SPATA13: variants seen among roughly 807,000 people sequenced by gnomAD.
SPATA13 encodes the protein spermatogenesis associated 13.
SPATA13 carries 50 observed loss-of-function variants against 104.0 expected under a neutral mutation model. That is an observed-to-expected ratio of 0.48 (90% CI 0.38 to 0.61). The LOEUF (loss-of-function observed/expected upper bound fraction) is 0.61. Ranked by LOEUF, SPATA13 falls within the 20% of genes least tolerant of loss-of-function variation. The pLI is 0.00. For missense variants in SPATA13, 1,524 were observed against 1,690.6 expected, an observed-to-expected ratio of 0.90 and a Z score of 1.73; for synonymous variants, 606 against 667.5, an observed-to-expected ratio of 0.91 and a Z score of 1.42.
intron 2 of SPATA13, among the ~76,000 whole-genome samples, chr13:24,003,785 T>C (rs1245462827): frequency 2.0e-5 from 3 of 152,214 alleles, no homozygotes; most frequent in Non-Finnish European, 4.4e-5. Flanking sequence ...TAGTAATGAT[T>C]TTAAAATACT....
intron 1 of SPATA13, among the ~76,000 whole-genome samples, chr13:24,168,726 C>G (rs1882842711): frequency 6.6e-6 from 1 of 152,108 alleles, no homozygotes; most frequent in Non-Finnish European, 1.5e-5. Flanking sequence ...AAATAACATC[C>G]CTCCAGCCCT....
intron 1 of SPATA13, among the ~76,000 whole-genome samples, chr13:24,198,876 G>A (rs1346594760): frequency 6.6e-6 from 1 of 151,866 alleles, no homozygotes; most frequent in Admixed American, 6.6e-5. Flanking sequence ...CAGGGGTGAT[G>A]CAGGACCTTT....
At chr13:24,125,545 A>C (rs950033235) in intron 3 of SPATA13, among the ~76,000 whole-genome samples, 1 of 152,094 alleles carries the variant, frequency 6.6e-6, no homozygotes, top group Non-Finnish European at 1.5e-5. Flanking sequence ...CAGTTTCTAA[A>C]ATTCACCAAC....
intron 3 of SPATA13, among the ~76,000 whole-genome samples, chr13:24,087,193 A>G (rs1459253773): frequency 6.6e-6 from 1 of 152,158 alleles, no homozygotes; most frequent in Non-Finnish European, 1.5e-5. Context: ...AGAGCCTGCC[A>G]GCCCAGGGTC....
At chr13:24,253,541 G>A (rs1282201382) in intron 4 of SPATA13, among the ~76,000 whole-genome samples, 1 of 152,166 alleles carries the variant, frequency 6.6e-6, no homozygotes, top group Non-Finnish European at 1.5e-5. Context: ...AGAGAATTTG[G>A]GATGCTGTGG....
In SPATA13 at chr13:24,284,150, G is replaced by T. The variant is rs778961788; in HGVS notation, c.2180G>T (p.Gly727Val). The change falls in exon 5 of 13, where the codon GGT becomes GTT. Residue 727 changes from glycine (G) to valine (V), a missense_variant. Physicochemically the swap from Gly to Val is moderately radical, Grantham distance 109. Around this residue, in one of 2 missense-constraint regions of SPATA13, gnomAD observed 1,089 missense variants for 1,135.9 expected, o/e 0.96. Coordinates refer to ENST00000382108, the MANE Select transcript of SPATA13 (RefSeq NM_001166271.3). The part of the protein sequence containing the change: ...MRASNVSSDG[G>V]TEPSALVDDN... ...TATGTTTTAGTTTCTTCAGATGGAG[G>T]TACTGAGCCCTCTGCCTTAGTGGAT... 30 of 1,612,804 alleles carry T rather than the reference G, an allele frequency of 1.9e-5. No individual in the cohort carries two copies. Among genetic ancestry groups the T allele is most frequent in the Non-Finnish European group, 2.5e-5 (29 of 1,179,254 alleles).
chr13:24,116,816 G>C (rs756121961), intron 3 of SPATA13, among the ~76,000 whole-genome samples: 12 of 151,560 alleles, frequency 7.9e-5, no homozygotes, highest in African/African-American at 1.2e-4. Flanking sequence ...GCCTTTGGGA[G>C]GTAATTAGGT....
At chr13:24,042,925 G>A (rs1432009178) in intron 3 of SPATA13, among the ~76,000 whole-genome samples, 1 of 152,226 alleles carries the variant, frequency 6.6e-6, no homozygotes, top group Non-Finnish European at 1.5e-5. Flanking sequence ...ACAGTTGATA[G>A]AATGATGCAA....
chr13:24,116,798 G>A (rs566417263), intron 3 of SPATA13, among the ~76,000 whole-genome samples: 1 of 151,240 alleles, frequency 6.6e-6, no homozygotes, highest in South Asian at 2.1e-4. Flanking sequence ...CTGATGTTTG[G>A]AGAAAGGGCC....
At chr13:24,039,707 G>A (rs1012361359) in intron 3 of SPATA13, among the ~76,000 whole-genome samples, 4 of 152,106 alleles carry the variant, frequency 2.6e-5, no homozygotes, top group Non-Finnish European at 5.9e-5. Context: ...CCTTTTGTAA[G>A]TTGCCATTTG....
chr13:24,069,130 T>C (rs769494969), intron 3 of SPATA13, among the ~76,000 whole-genome samples: 1 of 152,224 alleles, frequency 6.6e-6, no homozygotes, highest in Admixed American at 6.5e-5. Context: ...CATATGAATT[T>C]TAAAATATTT....
intron 1 of SPATA13, among the ~76,000 whole-genome samples, chr13:24,202,122 T>C (rs555088474): frequency 1.3e-5 from 2 of 151,814 alleles, no homozygotes; most frequent in East Asian, 1.9e-4. Flanking sequence ...AAAAAGTGAC[T>C]CTGACATATT....
Position 24,024,295 on chromosome 13 carries a change from G to GATGAAGTATAC in SPATA13, c.-112+6595_-112+6596insTGAAGTATACA, listed in dbSNP as rs1244279394. ...GACTTTGAATGAAAGATGAAGTATAGAGATTCCCAGACCATGGTGGGTGCT... is the reference window on the plus strand; with the variant it reads ...GACTTTGAATGAAAGATGAAGTATAGATGAAGTATACAGATTCCCAGACCATGGTGGGTGCT... On this transcript the variant is annotated intron_variant, in intron 3 of 14. Coordinates refer to the SPATA13 transcript ENST00000424834. 4.6e-5 allele frequency among the ~76,000 whole-genome samples: 7 copies of GATGAAGTATAC among 152,264 alleles called. No homozygotes were observed. The East Asian group carries it at 1.3e-3, about 29-fold the overall frequency.
At chr13:24,224,608 T>G (rs1307281950) in intron 2 of SPATA13, 26 bp downstream of exon 2, 1 of 1,536,510 alleles carries the variant, frequency 6.5e-7, no homozygotes, top group African/African-American at 1.4e-5. Context: ...AGGTCCCTCA[T>G]GTGGGCGACC....
At chr13:24,135,163 C>G (rs561438319) in intron 3 of SPATA13, among the ~76,000 whole-genome samples, 1 of 152,100 alleles carries the variant, frequency 6.6e-6, no homozygotes, top group Non-Finnish European at 1.5e-5. Flanking sequence ...TATAAGCCAC[C>G]TAGCTCGTGA....
At chr13:24,283,275 C>G (rs1049371428) in intron 4 of SPATA13, among the ~76,000 whole-genome samples, 2 of 152,192 alleles carry the variant, frequency 1.3e-5, no homozygotes, top group African/African-American at 2.4e-5. Flanking sequence ...GGTTTTATTG[C>G]ATCCCCTTAA....
intron 3 of SPATA13, among the ~76,000 whole-genome samples, chr13:24,077,551 AGCCC>A (rs1879375229): frequency 6.6e-6 from 1 of 152,156 alleles, no homozygotes; most frequent in African/African-American, 2.4e-5. Context: ...GGACACTGGA[AGCCC>A]AGTCCCCACC....
intron 3 of SPATA13, among the ~76,000 whole-genome samples, chr13:24,145,440 T>C (rs1881898433): frequency 6.6e-6 from 1 of 152,230 alleles, no homozygotes; most frequent in Admixed American, 6.5e-5. Flanking sequence ...GTAGCATCCC[T>C]ACCAGCACGT....
chr13:24,125,668 A>T (rs1267893119), intron 3 of SPATA13, among the ~76,000 whole-genome samples: 1 of 152,104 alleles, frequency 6.6e-6, no homozygotes, highest in Non-Finnish European at 1.5e-5. Context: ...GATTCAAGGG[A>T]TGGACGTTTT....
Sources: gnomAD v4.1 joint callset for allele counts (sites outside exome capture counted in the v4.1 genomes callset) on GRCh38, gnomAD v4.1.1 for gene constraint, gnomAD v4.1.1 regional missense constraint, MANE v1.5 for transcripts, NCBI Gene and HGNC (gene_info 2026-07-23, HGNC 2026-07-21) for gene names.